PRDM10: variants seen among roughly 807,000 people sequenced by gnomAD.
PRDM10 encodes the protein PR/SET domain 10, also known as PR domain zinc finger protein 10.
PRDM10 carries 65 observed loss-of-function variants against 133.1 expected under a neutral mutation model. The observed-to-expected ratio is 0.49, with a 90% CI of 0.40 to 0.60. The LOEUF (loss-of-function observed/expected upper bound fraction) is 0.60. Among genes scored for constraint, PRDM10 ranks in the 20% least tolerant of loss-of-function variants. The probability of loss-of-function intolerance (pLI) is 0.00; values close to 1 mark genes in which losing one functional copy is unlikely to be tolerated. For missense variants in PRDM10, 1,137 were observed against 1,507.1 expected (o/e 0.75, Z 4.07); for synonymous variants, 582 against 580.4 (o/e 1.00, Z -0.04).
At chr11:129,963,996 CA>C (rs1314115929) in intron 1 of PRDM10, among the ~76,000 whole-genome samples, 40 of 152,154 alleles carry the variant, frequency 2.6e-4, no homozygotes, top group Non-Finnish European at 4.4e-5. Context: ...GTGAAATGCA[CA>C]GGTCATTTAT....
At chr11:129,999,787 A>G (rs1939245944) in intron 1 of PRDM10, among the ~76,000 whole-genome samples, 1 of 152,238 alleles carries the variant, frequency 6.6e-6, no homozygotes, top group Non-Finnish European at 1.5e-5. Flanking sequence ...AGAAATCAAA[A>G]TATTATAATT....
At position 129,910,484 on chromosome 11, in the gene PRDM10, C is replaced by A; in HGVS notation, c.3155G>T (p.Arg1052Leu). The A allele has an allele frequency of 6.2e-7, 1 of 1,614,060 alleles. No homozygotes were observed. ...TYLPSAWNSF[R>L]GYSSEIQMMT... ...CGTCCCTTCTTACTTACAATAGCCA[C>A]GGAAGGAATTCCAAGCACTGGGCAG... The change falls in exon 19 of 21, where the codon CGT becomes CTT. Residue 1052 changes from arginine to leucine, a missense_variant. By Grantham distance (102) the Arg-to-Leu change is moderately radical. Transcript: ENST00000360871.
Position 129,961,023 on chromosome 11 carries a change from C to T in PRDM10, c.-59G>A. The T allele has an allele frequency of 6.6e-7, 1 of 1,516,634 alleles. No homozygotes were observed. 93.9% of individuals were successfully genotyped at this position (1,516,634 alleles called of 1,614,324 possible). A position where few individuals can be genotyped will look rare whatever the true frequency, so the allele number is the denominator to read the frequency against. On this transcript the variant is annotated 5_prime_UTR_variant, in exon 2 of 21. Transcript: ENST00000360871. ...ACCTAGAGCAGCACAGGGTACAGGA[C>T]AGTCATCTGTCTACCACACGTGTGT...
At chr11:129,912,832 G>C (rs899636792) in intron 17 of PRDM10, among the ~76,000 whole-genome samples, 1 of 151,778 alleles carries the variant, frequency 6.6e-6, no homozygotes, top group African/African-American at 2.4e-5. Flanking sequence ...GGCTGAGGCG[G>C]GGGGATCACT....
chr11:129,969,807 A>AAAAAAC (rs1186668116), intron 1 of PRDM10, among the ~76,000 whole-genome samples: 2 of 152,144 alleles, frequency 1.3e-5, no homozygotes, highest in Admixed American at 1.3e-4. Context: ...ACCCTGTCTC[A>AAAAAAC]AAAAACAAAA....
chr11:129,972,779 C>T (rs1371995442), intron 1 of PRDM10, among the ~76,000 whole-genome samples: 30 of 152,170 alleles, frequency 2.0e-4, no homozygotes, highest in Non-Finnish European at 2.9e-5. Flanking sequence ...TGACTGCCCG[C>T]TTAGAGAAAC....
At chr11:129,937,236 T>G (rs1951062838) in intron 8 of PRDM10, among the ~76,000 whole-genome samples, 1 of 152,220 alleles carries the variant, frequency 6.6e-6, no homozygotes, top group Admixed American at 6.5e-5. Context: ...TTATGATGTG[T>G]GCAGCTTTCT....
rs562377368 is a variant in PRDM10, at chr11:129,944,320, C to T, written c.762+451G>A. On this transcript the variant is annotated intron_variant, in intron 6 of 20. Transcript: ENST00000360871. ...CACTAAAATTGCAATCTCGGCCGGG[C>T]GCGGTGGCTCACGCCTGTAATCCCA... 2.6e-3 allele frequency among the ~76,000 whole-genome samples: 395 copies of T among 152,108 alleles called. 1 individual carries two copies. The highest frequency in any genetic ancestry group is 4.7e-3 in the Non-Finnish European group (322 of 68,002).
At chr11:129,954,083 C>G (rs1951647781) in intron 4 of PRDM10, among the ~76,000 whole-genome samples, 1 of 150,532 alleles carries the variant, frequency 6.6e-6, no homozygotes, top group South Asian at 2.1e-4. Flanking sequence ...CACTGCCAGT[C>G]ATGAATGAAT....
chr11:129,941,798 G>C (rs1249663476), intron 7 of PRDM10, among the ~76,000 whole-genome samples: 1 of 152,188 alleles, frequency 6.6e-6, no homozygotes, highest in Non-Finnish European at 1.5e-5. Flanking sequence ...GGCAGGCCAG[G>C]CTGAGGTATG....
chr11:129,942,356 TA>T (rs1951237778), intron 7 of PRDM10, 69 bp downstream of exon 7: 4 of 1,500,416 alleles, frequency 2.7e-6, no homozygotes, highest in Non-Finnish European at 3.6e-6. Context: ...TTTAGGAAAA[TA>T]AAATTGCAAA....
rs1008484584 is a variant in PRDM10 at position 129,937,594 on chromosome 11, C to T, written c.1039+4G>A. 1.9e-6 allele frequency: 3 copies of T among 1,612,378 alleles called. No homozygotes were observed. The highest frequency in any genetic ancestry group is 1.1e-5 in the South Asian group (1 of 90,850). ...GAAAATGTAAAACATAAACGTCTAA[C>T]CACCTTTCCTTTCTTCCTCAGAAAT... On this transcript the variant is annotated splice_donor_region_variant and intron_variant, in intron 8 of 20. Coordinates refer to ENST00000360871, the MANE Select transcript of PRDM10 (RefSeq NM_199437.2).
intron 13 of PRDM10, among the ~76,000 whole-genome samples, chr11:129,922,223 A>G (rs148299710): frequency 0.014 from 2,195 of 152,376 alleles, 50 homozygotes; most frequent in Admixed American, 0.067. Flanking sequence ...GAAATTTTAA[A>G]GAAATATTCC....
At position 129,918,622 on chromosome 11, in the gene PRDM10, G is replaced by T; in HGVS notation, c.2131C>A (p.Pro711Thr). 6.2e-7 allele frequency: 1 copy of T among 1,614,222 alleles called. No individual in the cohort carries two copies. The highest frequency in any genetic ancestry group is 8.5e-7 in the Non-Finnish European group (1 of 1,180,030). The change falls in exon 14 of 21, where the codon CCC becomes ACC. Residue 711 changes from proline (P) to threonine (T), a missense_variant. Pro to Thr is a conservative substitution (Grantham distance 38). Around this residue, in one of 6 missense-constraint regions of PRDM10, gnomAD observed 78 missense variants for 96.4 expected, o/e 0.81. Transcript: ENST00000360871. The surrounding 1 kb of genome is among the most constrained non-coding windows in gnomAD (Gnocchi z 5.3). ...DRISRSKTFKPRITSTDYDSF... is the reference protein window; with the variant it reads ...DRISRSKTFKTRITSTDYDSF... ...TCGTAGTCTGTGGACGTGATGCGGG[G>T]CTTGAACGTCTTGGAGCGGCTGATG... is the stretch of plus-strand genomic sequence containing the variant.
chr11:129,938,720 T>G (rs1222168613), intron 7 of PRDM10, among the ~76,000 whole-genome samples: 1 of 152,154 alleles, frequency 6.6e-6, no homozygotes, highest in African/African-American at 2.4e-5. Flanking sequence ...ACAACTAACA[T>G]GTATCAATAA....
At position 129,945,051 on chromosome 11, in the gene PRDM10, C is replaced by T. The variant is rs1591644226; in HGVS notation, c.521-39G>A. The T allele has an allele frequency of 3.7e-6, 6 of 1,602,166 alleles. No homozygotes were observed. Among genetic ancestry groups the T allele is most frequent in the Non-Finnish European group, 3.4e-6 (4 of 1,177,108 alleles). On this transcript the variant is annotated intron_variant, in intron 5 of 20. Transcript: ENST00000360871. The surrounding 1 kb of genome is among the most constrained non-coding windows in gnomAD (Gnocchi z 4.2). Reference sequence around the variant, plus strand: ...ACAGTCTTGAAGAAAAGTCCAATTCCTCAGTGTGACTTGATGTGAGGTAAA... The same window carrying T: ...ACAGTCTTGAAGAAAAGTCCAATTCTTCAGTGTGACTTGATGTGAGGTAAA...
intron 11 of PRDM10, among the ~76,000 whole-genome samples, chr11:129,927,924 T>C (rs1950732912): frequency 1.0e-5 from 1 of 97,042 alleles, no homozygotes; most frequent in Admixed American, 9.4e-5. Context: ...ACTCTAGTTC[T>C]TCTGCTTTCC....
chr11:129,947,068 G>A lies in PRDM10; in HGVS notation c.520+77C>T. On this transcript the variant is annotated intron_variant, in intron 5 of 20. Transcript: ENST00000360871. This position sits in a 1 kb window ranked among gnomAD's most constrained non-coding sequence, Gnocchi z 4.6. ...GAAGGACCTGACGCACGGGAGCTAT[G>A]TTCACACACACGCACACGTACACAG... The A allele has an allele frequency of 2.6e-6, 4 of 1,558,402 alleles. No homozygotes were observed. Among genetic ancestry groups the A allele is most frequent in the Non-Finnish European group, 3.5e-6 (4 of 1,147,448 alleles).
At chr11:129,997,045 T>C (rs1293176362) in intron 1 of PRDM10, among the ~76,000 whole-genome samples, 2 of 152,062 alleles carry the variant, frequency 1.3e-5, no homozygotes, top group Non-Finnish European at 2.9e-5. Context: ...TACTACACCA[T>C]ATAAAATCTC....
Sources: gnomAD v4.1 joint callset for allele counts (sites outside exome capture counted in the v4.1 genomes callset) on GRCh38, gnomAD v4.1.1 for gene constraint, gnomAD v4.1.1 regional missense constraint, Gnocchi (gnomAD v3.1) non-coding constraint, MANE v1.5 for transcripts, NCBI Gene and HGNC (gene_info 2026-07-23, HGNC 2026-07-21) for gene names.